The following TEAD4 variants were observed in gnomAD, a reference collection of about 807,000 sequenced individuals.
TEAD4 encodes TEA domain transcription factor 4.
In TEAD4, 36 loss-of-function variants were observed where a neutral mutation model predicts 52.4. The ratio of observed to expected loss-of-function variants is 0.69; its 90% CI spans 0.53 to 0.91. TEAD4 has a LOEUF of 0.91. Among genes scored for constraint, TEAD4 ranks in the 40% least tolerant of loss-of-function variants. The pLI, the probability that TEAD4 is intolerant of heterozygous loss-of-function variation, is 0.00. For missense variants in TEAD4, 508 were observed against 583.9 expected, an observed-to-expected ratio of 0.87 and a Z score of 1.34; for synonymous variants, 220 against 231.0, an observed-to-expected ratio of 0.95 and a Z score of 0.43.
At chr12:3,031,158 G>T (rs2098275249) in intron 10 of TEAD4, among the ~76,000 whole-genome samples, 1 of 152,230 alleles carries the variant, frequency 6.6e-6, no homozygotes, top group Non-Finnish European at 1.5e-5. Flanking sequence ...ACAGCTGGCA[G>T]TGGCGCTTCC....
intron 2 of TEAD4, among the ~76,000 whole-genome samples, chr12:2,981,045 G>C (rs1218665933): frequency 6.6e-6 from 1 of 152,150 alleles, no homozygotes; most frequent in African/African-American, 2.4e-5. Context: ...AGGGGATGGG[G>C]GCAGGATTGG....
At chr12:2,962,333 A>ATATAAATATATAT (rs1565518244) in intron 2 of TEAD4, among the ~76,000 whole-genome samples, 1 of 38,048 alleles carries the variant, frequency 2.6e-5, no homozygotes, top group African/African-American at 5.4e-5. Flanking sequence ...TATAAATATA[A>ATATAAATATATAT]ATATATATAT....
At chr12:2,976,538 T>A (rs530023804) in intron 2 of TEAD4, among the ~76,000 whole-genome samples, 2 of 152,166 alleles carry the variant, frequency 1.3e-5, no homozygotes, top group African/African-American at 4.8e-5. Context: ...ACCTGTATCA[T>A]CACAGCTTTG....
chr12:2,959,491 G>GCCCGCGCCCGCCGCA lies in TEAD4; in HGVS notation c.-123+16_-123+30dup, dbSNP rs2098213337. 1 of 146,606 alleles carries GCCCGCGCCCGCCGCA rather than the reference G, an allele frequency of 6.8e-6. No homozygotes were observed. Among genetic ancestry groups the GCCCGCGCCCGCCGCA allele is most frequent in the Non-Finnish European group, 1.5e-5 (1 of 65,708 alleles). 9.1% of individuals were successfully genotyped at this position (146,606 alleles called of 1,614,324 possible). ...CGCCGCGTCCCGCCAGGTGAGAGGCGCCCGCGCCCGCCGCACCCGCCGGCG... is the reference window on the plus strand; with the variant it reads ...CGCCGCGTCCCGCCAGGTGAGAGGCGCCCGCGCCCGCCGCACCCGCGCCCGCCGCACCCGCCGGCG... On this transcript the variant is annotated intron_variant, in intron 1 of 12. Transcript: ENST00000359864. This position sits in a 1 kb window ranked among gnomAD's most constrained non-coding sequence, Gnocchi z 5.1.
At chr12:2,985,023 C>T (rs2098236942) in intron 2 of TEAD4, among the ~76,000 whole-genome samples, 1 of 152,162 alleles carries the variant, frequency 6.6e-6, no homozygotes, top group African/African-American at 2.4e-5. Context: ...GATTTTTCTT[C>T]AAGAATATAT....
At chr12:3,037,819 G>A in intron 10 of TEAD4, 149 bp from the exon 11 acceptor site, 1 of 908,780 alleles carries the variant, frequency 1.1e-6, no homozygotes, top group African/African-American at 1.7e-5. Flanking sequence ...GTAGAGGAAT[G>A]TGGAAGCTTT....
chr12:3,019,030 A>T, intron 7 of TEAD4, 85 bp from the exon 8 acceptor site: 1 of 1,533,132 alleles, frequency 6.5e-7, no homozygotes, highest in Non-Finnish European at 9.0e-7. Flanking sequence ...ACCAGGACCT[A>T]CCACACAGAC....
chr12:2,974,682 A>G (rs1024488830), intron 2 of TEAD4, among the ~76,000 whole-genome samples: 1 of 152,050 alleles, frequency 6.6e-6, no homozygotes, highest in Non-Finnish European at 1.5e-5. Context: ...CCCGGTGTGG[A>G]GACTCCCTCT....
At chr12:3,032,912 G>T (rs1174223305) in intron 10 of TEAD4, among the ~76,000 whole-genome samples, 1 of 152,222 alleles carries the variant, frequency 6.6e-6, no homozygotes, top group African/African-American at 2.4e-5. Context: ...CTCACAGGCT[G>T]CCCCGGCTCC....
At chr12:2,982,223 T>C (rs2098234615) in intron 2 of TEAD4, among the ~76,000 whole-genome samples, 1 of 152,116 alleles carries the variant, frequency 6.6e-6, no homozygotes, top group Non-Finnish European at 1.5e-5. Context: ...ATTAGGGAGA[T>C]CTTAATAAAA....
chr12:3,017,532 T>G lies in TEAD4; in HGVS notation c.483+6T>G. 6.2e-7 allele frequency: 1 copy of G among 1,611,376 alleles called. No homozygotes were observed. ...GCCGCCCAGCAGTCTCAGGGGTAAG[T>G]GGGCTGCCGAGAGCTGGAGGCCAGG... On this transcript the variant is annotated splice_donor_region_variant and intron_variant, in intron 6 of 12. Coordinates refer to ENST00000359864, the MANE Select transcript of TEAD4 (RefSeq NM_003213.4).
chr12:2,969,330 T>C (rs900972237), intron 2 of TEAD4, among the ~76,000 whole-genome samples: 1 of 152,202 alleles, frequency 6.6e-6, no homozygotes, highest in Admixed American at 6.5e-5. Flanking sequence ...CATGGGAGGA[T>C]GTGCGTAAGT....
chr12:3,017,404 G>T lies in TEAD4; in HGVS notation c.361G>T (p.Ala121Ser). The T allele has an allele frequency of 6.2e-7, 1 of 1,614,112 alleles. No individual in the cohort carries two copies. The highest frequency in any genetic ancestry group is 1.3e-5 in the African/African-American group (1 of 75,050). The change falls in exon 6 of 13, where the codon GCA becomes TCA. Residue 121 changes from alanine (A) to serine (S), a missense_variant. Coordinates refer to ENST00000359864, the MANE Select transcript of TEAD4 (RefSeq NM_003213.4). ...CTTGCAATGTCTCCCCCAGGACCAGGCAGCTAAGGACAAGGCCCTGCAGAG... is the reference window on the plus strand; with the variant it reads ...CTTGCAATGTCTCCCCCAGGACCAGTCAGCTAAGGACAAGGCCCTGCAGAG...
At chr12:3,019,669 C>T (rs2098267288) in intron 8 of TEAD4, among the ~76,000 whole-genome samples, 1 of 152,146 alleles carries the variant, frequency 6.6e-6, no homozygotes, top group African/African-American at 2.4e-5. Context: ...CTGTCCTCGT[C>T]TCTTTCTCAG....
At chr12:3,007,863 C>T (rs1262940032) in intron 3 of TEAD4, among the ~76,000 whole-genome samples, 2 of 152,200 alleles carry the variant, frequency 1.3e-5, no homozygotes, top group Admixed American at 6.5e-5. Flanking sequence ...TTAAGAGTTA[C>T]GTCGGACTAA....
chr12:2,997,414 C>T (rs11062449), intron 3 of TEAD4, among the ~76,000 whole-genome samples: 10 of 152,022 alleles, frequency 6.6e-5, no homozygotes, highest in Admixed American at 1.3e-4. Context: ...GTGTGGTGTT[C>T]GGTGCTTTGC....
chr12:2,985,500 T>TA (rs2098237482), intron 2 of TEAD4, among the ~76,000 whole-genome samples: 1 of 111,334 alleles, frequency 9.0e-6, no homozygotes, highest in South Asian at 3.3e-4. Context: ...GTTTACAAAA[T>TA]CTTTTTTTTT....
chr12:2,999,548 G>A (rs1305493705), intron 3 of TEAD4, among the ~76,000 whole-genome samples: 4 of 152,200 alleles, frequency 2.6e-5, no homozygotes, highest in Admixed American at 2.6e-4. Context: ...TCTGAGCTGA[G>A]TCTCCCACGC....
intron 7 of TEAD4, among the ~76,000 whole-genome samples, 161 bp downstream of exon 7, chr12:3,018,749 C>T (rs1009073621): frequency 6.6e-6 from 1 of 152,106 alleles, no homozygotes; most frequent in Non-Finnish European, 1.5e-5. Context: ...CTTCTACTGT[C>T]AGCCATCACT....
Sources: allele counts gnomAD v4.1 joint callset (sites outside exome capture counted in the v4.1 genomes callset), GRCh38; gene constraint gnomAD v4.1.1; non-coding constraint Gnocchi (gnomAD v3.1); transcripts MANE v1.5; gene names NCBI Gene and HGNC (gene_info 2026-07-23, HGNC 2026-07-21).